The following NFYC variants were observed in gnomAD, a reference collection of about 807,000 sequenced individuals.
NFYC encodes nuclear transcription factor Y subunit gamma, also known as CAAT box DNA-binding protein subunit C.
NFYC carries 25 observed loss-of-function variants against 53.1 expected under a neutral mutation model. The ratio of observed to expected loss-of-function variants is 0.47; its 90% CI spans 0.34 to 0.66. The LOEUF (loss-of-function observed/expected upper bound fraction) is 0.66, where lower values mean the gene tolerates loss of function less well. Among genes scored for constraint, NFYC ranks in the 30% least tolerant of loss-of-function variants. The pLI is 0.01. For missense variants in NFYC, 260 were observed against 422.7 expected (o/e 0.62, Z 3.38); for synonymous variants, 145 against 152.6 (o/e 0.95, Z 0.37).
intron 2 of NFYC, among the ~76,000 whole-genome samples, chr1:40,740,127 C>T (rs1287417155): frequency 6.6e-6 from 1 of 152,152 alleles, no homozygotes; most frequent in Non-Finnish European, 1.5e-5. Flanking sequence ...TAAAGGAGCT[C>T]CCCATGTTGG....
intron 1 of NFYC, among the ~76,000 whole-genome samples, chr1:40,737,127 C>CA (rs1161900883): frequency 0.028 from 2,501 of 88,642 alleles, 42 homozygotes; most frequent in Non-Finnish European, 0.037. Flanking sequence ...AACTCTGTCT[C>CA]AAAAAAAAAA....
intron 1 of NFYC, among the ~76,000 whole-genome samples, chr1:40,711,391 T>C (rs750382456): frequency 6.6e-6 from 1 of 152,236 alleles, no homozygotes; most frequent in Non-Finnish European, 1.5e-5. Flanking sequence ...TTCCAGATTA[T>C]ATATATGATT....
intron 5 of NFYC, among the ~76,000 whole-genome samples, chr1:40,756,635 G>A (rs767754309): frequency 6.6e-6 from 1 of 152,136 alleles, no homozygotes; most frequent in African/African-American, 2.4e-5. Flanking sequence ...TCACACTGTG[G>A]CCACAGAGTC....
chr1:40,736,820 C>A (rs1227376525), intron 1 of NFYC, among the ~76,000 whole-genome samples: 10 of 63,690 alleles, frequency 1.6e-4, no homozygotes, highest in African/African-American at 1.8e-4. Flanking sequence ...AAACTTATTC[C>A]AAAAAAAAAA....
At chr1:40,732,832 A>G (rs541264858) in intron 1 of NFYC, among the ~76,000 whole-genome samples, 1 of 152,174 alleles carries the variant, frequency 6.6e-6, no homozygotes, top group Admixed American at 6.5e-5. Flanking sequence ...CCTTTCTGTC[A>G]TCCCCTTTTA....
In NFYC at chr1:40,704,303, A is replaced by C. The variant is rs1456286081; in HGVS notation, c.-9+12436A>C. ...AGCCAGGATGGTCTCGATCTCCTGA[A>C]TTCGTGATCTGCCCCCCTCAGCCTC... On this transcript the variant is annotated intron_variant, in intron 1 of 9. Coordinates refer to ENST00000447388, the MANE Select transcript of NFYC (RefSeq NM_014223.5). Among the ~76,000 whole-genome samples, 17 of 152,146 alleles carry C rather than the reference A, an allele frequency of 1.1e-4. 1 individual carries two copies. The South Asian group carries it at 1.9e-3, about 17-fold the overall frequency.
intron 8 of NFYC, among the ~76,000 whole-genome samples, chr1:40,767,521 T>TC (rs1232226415): frequency 2.0e-5 from 3 of 152,114 alleles, no homozygotes; most frequent in African/African-American, 7.2e-5. Context: ...CTGTGCCCAC[T>TC]CCCCGGCTTA....
chr1:40,723,285 G>C (rs901273672), intron 1 of NFYC: 1 of 152,172 alleles, frequency 6.6e-6, no homozygotes, highest in Admixed American at 6.5e-5. Flanking sequence ...GTAAGAAAAT[G>C]ATGCTTTGTT....
intron 3 of NFYC, among the ~76,000 whole-genome samples, chr1:40,748,664 C>T (rs1408999300): frequency 3.3e-5 from 5 of 152,148 alleles, no homozygotes; most frequent in African/African-American, 1.2e-4. Context: ...TCCTAGGAGT[C>T]CATCTCCATT....
intron 1 of NFYC, among the ~76,000 whole-genome samples, chr1:40,705,606 G>T (rs748761513): frequency 3.9e-5 from 6 of 152,100 alleles, no homozygotes; most frequent in Non-Finnish European, 5.9e-5. Flanking sequence ...TATAAATGTG[G>T]TTTGTTACTG....
At chr1:40,711,224 G>A (rs1643917687) in intron 1 of NFYC, among the ~76,000 whole-genome samples, 1 of 152,194 alleles carries the variant, frequency 6.6e-6, no homozygotes, top group African/African-American at 2.4e-5. Flanking sequence ...ATTTGTGAAA[G>A]TTTTGGGGAA....
At chr1:40,757,086 C>T (rs539086536) in intron 5 of NFYC, among the ~76,000 whole-genome samples, 6 of 152,310 alleles carry the variant, frequency 3.9e-5, no homozygotes, top group South Asian at 2.1e-4. Flanking sequence ...TTTTCTGGAA[C>T]GTGGCAAACT....
At chr1:40,692,975 C>T (rs1642917661) in intron 1 of NFYC, among the ~76,000 whole-genome samples, 2 of 152,068 alleles carry the variant, frequency 1.3e-5, no homozygotes, top group Admixed American at 1.3e-4. Context: ...GCTGAGTTTC[C>T]AAAGCCACAT....
intron 2 of NFYC, 32 bp downstream of exon 2, chr1:40,738,980 C>G (rs1645198336): frequency 6.7e-7 from 1 of 1,487,636 alleles, no homozygotes; most frequent in African/African-American, 1.4e-5. Flanking sequence ...TTATTAGAAA[C>G]TTTTAAAGAG....
intron 1 of NFYC, among the ~76,000 whole-genome samples, chr1:40,714,715 A>G (rs549158957): frequency 7.4e-6 from 1 of 134,746 alleles, no homozygotes; most frequent in East Asian, 2.4e-4. Flanking sequence ...CCTGGGCTCA[A>G]GCAGTCCTCC....
At chr1:40,718,613 AG>A (rs1484957192) in intron 1 of NFYC, among the ~76,000 whole-genome samples, 5 of 152,380 alleles carry the variant, frequency 3.3e-5, no homozygotes, top group Non-Finnish European at 5.9e-5. Flanking sequence ...TGGTACAAGT[AG>A]ATAACAATTG....
chr1:40,748,602 T>A (rs1056223033), intron 3 of NFYC, among the ~76,000 whole-genome samples: 6 of 152,226 alleles, frequency 3.9e-5, no homozygotes, highest in African/African-American at 7.2e-5. Flanking sequence ...GAGTTTCTTT[T>A]ACATGAATAA....
At chr1:40,715,179 G>A (rs1644086542) in intron 1 of NFYC, among the ~76,000 whole-genome samples, 1 of 151,910 alleles carries the variant, frequency 6.6e-6, no homozygotes, top group African/African-American at 2.4e-5. Context: ...CAAGGTGGGC[G>A]GATCACTTGA....
At chr1:40,707,234 C>A (rs777897062) in intron 1 of NFYC, among the ~76,000 whole-genome samples, 3 of 151,760 alleles carry the variant, frequency 2.0e-5, no homozygotes, top group Non-Finnish European at 2.9e-5. Flanking sequence ...TGGCTCACTC[C>A]TGTAATCCCA....
Sources: allele counts gnomAD v4.1 joint callset (sites outside exome capture counted in the v4.1 genomes callset), GRCh38; gene constraint gnomAD v4.1.1; transcripts MANE v1.5; gene names NCBI Gene and HGNC (gene_info 2026-07-23, HGNC 2026-07-21).